The following CCDC7 variants were observed in gnomAD, a reference collection of about 807,000 sequenced individuals.
CCDC7 encodes the protein coiled-coil domain-containing protein 7.
Under a neutral mutation model 196.9 loss-of-function variants are expected in CCDC7, and 183 were observed. The ratio of observed to expected loss-of-function variants is 0.93; its 90% CI spans 0.82 to 1.05. The LOEUF is 1.05. CCDC7 is among the 50% of genes least tolerant of loss of function. The pLI is 0.00. For synonymous variants in CCDC7, 525 were observed against 484.6 expected, an observed-to-expected ratio of 1.08 and a Z score of -1.10; for missense variants, 1,540 against 1,482.2, an observed-to-expected ratio of 1.04 and a Z score of -0.64.
intron 8 of CCDC7, among the ~76,000 whole-genome samples, chr10:32,488,262 G>T (rs571275060): frequency 6.6e-6 from 1 of 152,208 alleles, no homozygotes; most frequent in African/African-American, 2.4e-5. Flanking sequence ...GTGAGGCTCC[G>T]TGGGCGCAGG....
intron 28 of CCDC7, among the ~76,000 whole-genome samples, chr10:32,741,530 C>A (rs1445900635): frequency 6.6e-6 from 1 of 152,052 alleles, no homozygotes; most frequent in African/African-American, 2.4e-5. Flanking sequence ...AAAGTGGGTC[C>A]TCTGTATATG....
intron 28 of CCDC7, among the ~76,000 whole-genome samples, chr10:32,746,748 C>T (rs2074813991): frequency 6.6e-6 from 1 of 152,136 alleles, no homozygotes; most frequent in Admixed American, 6.5e-5. Context: ...CAGAGGGACC[C>T]CACCAATGTG....
intron 28 of CCDC7, among the ~76,000 whole-genome samples, chr10:32,739,254 G>T (rs545517167): frequency 1.3e-5 from 2 of 151,040 alleles, no homozygotes; most frequent in African/African-American, 4.9e-5. Flanking sequence ...TTCTCCTTCT[G>T]TTACTCTCAT....
intron 20 of CCDC7, among the ~76,000 whole-genome samples, chr10:32,662,453 C>A (rs1180375994): frequency 1.3e-5 from 2 of 152,076 alleles, no homozygotes; most frequent in African/African-American, 4.8e-5. Flanking sequence ...CTTTGGGTAT[C>A]CAGGATAGCG....
chr10:32,831,476 A>AT (rs1039469356), intron 32 of CCDC7, among the ~76,000 whole-genome samples: 7 of 152,138 alleles, frequency 4.6e-5, no homozygotes, highest in African/African-American at 1.7e-4. Flanking sequence ...ATAAACTTTT[A>AT]TTTTTTTAAT....
At chr10:32,742,456 GT>G (rs1235660199) in intron 28 of CCDC7, among the ~76,000 whole-genome samples, 1 of 152,136 alleles carries the variant, frequency 6.6e-6, no homozygotes, top group Non-Finnish European at 1.5e-5. Flanking sequence ...GTACAGAATA[GT>G]TTCACTGCCC....
chr10:32,542,277 C>T (rs545146257), intron 11 of CCDC7, among the ~76,000 whole-genome samples: 7 of 152,156 alleles, frequency 4.6e-5, no homozygotes, highest in South Asian at 2.1e-4. Context: ...CATAATTGAA[C>T]GATTTGAGCA....
intron 20 of CCDC7, among the ~76,000 whole-genome samples, chr10:32,648,673 C>G (rs993797781): frequency 5.9e-5 from 9 of 152,292 alleles, no homozygotes; most frequent in South Asian, 2.1e-4. Flanking sequence ...TCGCCAGCAT[C>G]TGTTATTCTT....
chr10:32,518,597 A>C (rs2047414044), intron 11 of CCDC7, 92 bp downstream of exon 12: 1 of 989,724 alleles, frequency 1.0e-6, no homozygotes, highest in Non-Finnish European at 1.4e-6. Flanking sequence ...AATGTTATAT[A>C]ATATGTTTTT....
intron 13 of CCDC7, among the ~76,000 whole-genome samples, chr10:32,562,289 T>C (rs986877023): frequency 2.6e-5 from 4 of 152,208 alleles, no homozygotes; most frequent in Non-Finnish European, 5.9e-5. Flanking sequence ...GAATCCTCCC[T>C]AACTCATTTT....
At chr10:32,622,988 G>T (rs897259905) in intron 18 of CCDC7, among the ~76,000 whole-genome samples, 1 of 152,070 alleles carries the variant, frequency 6.6e-6, no homozygotes, top group Non-Finnish European at 1.5e-5. Context: ...ATTTTCAAAT[G>T]GTTGATGACA....
At chr10:32,858,545 CTTCATA>C (rs2093846285) in intron 41 of CCDC7, among the ~76,000 whole-genome samples, 1 of 152,064 alleles carries the variant, frequency 6.6e-6, no homozygotes, top group African/African-American at 2.4e-5. Context: ...CAATGTGATA[CTTCATA>C]TTCACAGCAT....
At chr10:32,454,171 G>A (rs1025113159) in intron 2 of CCDC7, among the ~76,000 whole-genome samples, 11 of 152,162 alleles carry the variant, frequency 7.2e-5, no homozygotes, top group African/African-American at 2.7e-4. Flanking sequence ...AAGGACCAGT[G>A]TTTGTCTTGA....
chr10:32,677,855 T>C (rs1398408756), intron 21 of CCDC7, among the ~76,000 whole-genome samples: 1 of 152,194 alleles, frequency 6.6e-6, no homozygotes, highest in Non-Finnish European at 1.5e-5. Flanking sequence ...GTTCACATGA[T>C]GGTATCCCAT....
intron 13 of CCDC7, among the ~76,000 whole-genome samples, chr10:32,552,363 G>A (rs1433543408): frequency 6.6e-6 from 1 of 152,168 alleles, no homozygotes; most frequent in Non-Finnish European, 1.5e-5. Flanking sequence ...GCAGTTCTGT[G>A]TCTTTAAGTG....
intron 24 of CCDC7, among the ~76,000 whole-genome samples, chr10:32,707,698 T>C (rs1022025690): frequency 1.3e-4 from 20 of 152,172 alleles, no homozygotes; most frequent in African/African-American, 4.8e-4. Context: ...GAGAGCCAAA[T>C]CATGAGTGAA....
In CCDC7 at chr10:32,497,412, G is replaced by T. The variant is rs139871950; in HGVS notation, c.872+5415G>T. On this transcript the variant is annotated intron_variant, in intron 9 of 41. Coordinates refer to ENST00000639629, the Ensembl canonical transcript of CCDC7. ...CTCCTTCAGTTCTGCTCCGATCTTA[G>T]TTATTTCTTGTCTTCTTCTAGCTTT... Among the ~76,000 whole-genome samples, 642 of 152,250 alleles carry T rather than the reference G, an allele frequency of 4.2e-3. 4 individuals are homozygous for T. The highest frequency in any genetic ancestry group is 0.015 in the African/African-American group (624 of 41,556).
At chr10:32,864,488 T>TTA (rs199582462) in intron 41 of CCDC7, among the ~76,000 whole-genome samples, 32 of 151,092 alleles carry the variant, frequency 2.1e-4, no homozygotes, top group African/African-American at 6.0e-4. Flanking sequence ...CAAAGTATAT[T>TTA]TATATATATA....
chr10:32,511,684 T>C, intron 9 of CCDC7: 1 of 1,579,782 alleles, frequency 6.3e-7, no homozygotes, highest in Non-Finnish European at 8.7e-7. Flanking sequence ...TCTCAAACGC[T>C]GACAAATACT....
Sources: allele counts gnomAD v4.1 joint callset (sites outside exome capture counted in the v4.1 genomes callset), GRCh38; gene constraint gnomAD v4.1.1; transcripts MANE v1.5; gene names NCBI Gene and HGNC (gene_info 2026-07-23, HGNC 2026-07-21).